The following NETO2 variants were observed in gnomAD, a reference collection of about 807,000 sequenced individuals.
NETO2 encodes the protein neuropilin and tolloid like 2.
Under a neutral mutation model 62.5 loss-of-function variants are expected in NETO2, and 28 were observed. That is an observed-to-expected ratio of 0.45 (90% CI 0.33 to 0.61). NETO2 has a LOEUF of 0.61. NETO2 is among the 20% of genes least tolerant of loss of function. The probability of loss-of-function intolerance (pLI) is 0.02; values close to 1 mark genes in which losing one functional copy is unlikely to be tolerated. For missense variants in NETO2, 548 were observed against 643.2 expected, an observed-to-expected ratio of 0.85 and a Z score of 1.60; for synonymous variants, 214 against 219.1, an observed-to-expected ratio of 0.98 and a Z score of 0.21.
At position 47,080,040 on chromosome 16, in the gene NETO2, G is replaced by C. The variant is rs577182530; in HGVS notation, c.*3181C>G. 4.6e-5 allele frequency: 7 copies of C among 152,286 alleles called. No homozygotes were observed. Among genetic ancestry groups the C allele is most frequent in the African/African-American group, 1.7e-4 (7 of 41,568 alleles). The allele number at this position is 152,286 out of a possible 1,614,324, so 9.4% of individuals were successfully genotyped here. ...TAACAATTCTATGAAACATGACAAA[G>C]ACACTGACATAAGCGCTGTCGGGTT... On this transcript the variant is annotated 3_prime_UTR_variant, in exon 9 of 9. Coordinates refer to ENST00000562435, the MANE Select transcript of NETO2 (RefSeq NM_018092.5).
intron 6 of NETO2, among the ~76,000 whole-genome samples, chr16:47,110,933 C>T (rs547025992): frequency 6.6e-6 from 1 of 152,216 alleles, no homozygotes; most frequent in East Asian, 1.9e-4. Flanking sequence ...TCACCACTTC[C>T]GTGAGAATGG....
At chr16:47,139,236 G>A (rs576093723) in intron 1 of NETO2, among the ~76,000 whole-genome samples, 91 of 152,204 alleles carry the variant, frequency 6.0e-4, no homozygotes, top group Middle Eastern at 3.4e-3. Flanking sequence ...CTTTGTAACC[G>A]CAAACACATA....
At chr16:47,105,100 C>T (rs1294025396) in intron 7 of NETO2, among the ~76,000 whole-genome samples, 1 of 151,340 alleles carries the variant, frequency 6.6e-6, no homozygotes, top group East Asian at 1.9e-4. Flanking sequence ...GTCTTGAACT[C>T]CTGCCTAGGC....
chr16:47,109,969 G>C (rs1963758063), intron 6 of NETO2, among the ~76,000 whole-genome samples: 1 of 151,984 alleles, frequency 6.6e-6, no homozygotes, highest in Admixed American at 6.6e-5. Context: ...TGCTCACAAG[G>C]CATAACTATC....
intron 6 of NETO2, among the ~76,000 whole-genome samples, chr16:47,121,151 C>T (rs756743864): frequency 1.3e-5 from 2 of 152,046 alleles, no homozygotes; most frequent in East Asian, 1.9e-4. Flanking sequence ...TAAAAATGGA[C>T]GTGGTCATTT....
At chr16:47,085,081 T>G (rs949134153) in intron 8 of NETO2, among the ~76,000 whole-genome samples, 2 of 152,166 alleles carry the variant, frequency 1.3e-5, no homozygotes, top group African/African-American at 4.8e-5. Flanking sequence ...TCTTACACAG[T>G]GATCTGACAA....
At chr16:47,087,439 A>G (rs1026076206) in intron 7 of NETO2, among the ~76,000 whole-genome samples, 32 of 152,322 alleles carry the variant, frequency 2.1e-4, no homozygotes, top group Non-Finnish European at 8.8e-5. Context: ...CCAGGGTCCA[A>G]AAAGAGGAAG....
At chr16:47,108,035 C>A (rs1320528031) in intron 7 of NETO2, among the ~76,000 whole-genome samples, 1 of 152,070 alleles carries the variant, frequency 6.6e-6, no homozygotes, top group East Asian at 1.9e-4. Context: ...CTCGGCCTCC[C>A]AAAGTGCTGG....
At chr16:47,104,112 C>A (rs562555824) in intron 7 of NETO2, among the ~76,000 whole-genome samples, 4 of 152,210 alleles carry the variant, frequency 2.6e-5, no homozygotes, top group Non-Finnish European at 5.9e-5. Context: ...ATCTTATATG[C>A]AGAAAACCCT....
At position 47,083,177 on chromosome 16, in the gene NETO2, C is replaced by A; in HGVS notation, c.*44G>T. On this transcript the variant is annotated 3_prime_UTR_variant, in exon 9 of 9. Coordinates refer to ENST00000562435, the MANE Select transcript of NETO2 (RefSeq NM_018092.5). ...AAACAGTATGGTGCCCTGGAGGCTG[C>A]GTACGTACACACCCTAAGAATTCAC... The A allele has an allele frequency of 6.6e-7, 1 of 1,513,776 alleles. No homozygotes were observed. The highest frequency in any genetic ancestry group is 9.0e-7 in the Non-Finnish European group (1 of 1,112,360). The allele number at this position is 1,513,776 out of a possible 1,614,324, so 93.8% of individuals were successfully genotyped here. A position where few individuals can be genotyped will look rare whatever the true frequency, so the allele number is the denominator to read the frequency against.
chr16:47,109,785 AGAC>A (rs1479947942), intron 6 of NETO2, 74 bp from the exon 7 acceptor site: 5 of 1,086,816 alleles, frequency 4.6e-6, no homozygotes, highest in Non-Finnish European at 6.8e-6. Context: ...TATTTTCCAC[AGAC>A]AACATGGGAC....
intron 6 of NETO2, among the ~76,000 whole-genome samples, chr16:47,120,835 A>G (rs1056487521): frequency 4.0e-5 from 6 of 151,086 alleles, no homozygotes; most frequent in Admixed American, 1.3e-4. Flanking sequence ...TGTCACTTAA[A>G]TTTTTTTTTC....
At chr16:47,086,117 C>T in intron 8 of NETO2, 109 bp downstream of exon 8, 1 of 748,114 alleles carries the variant, frequency 1.3e-6, no homozygotes, top group South Asian at 1.5e-5. Context: ...AACAAACAAA[C>T]AAAAAGCAGC....
At chr16:47,131,483 T>C (rs1039253557) in intron 2 of NETO2, among the ~76,000 whole-genome samples, 12 of 152,108 alleles carry the variant, frequency 7.9e-5, no homozygotes, top group African/African-American at 2.9e-4. Context: ...ATGTATTACT[T>C]AGATGAAAAT....
At position 47,109,656 on chromosome 16, in the gene NETO2, T is replaced by C; in HGVS notation, c.710A>G (p.Asn237Ser). The change falls in exon 7 of 9, where the codon AAC (asparagine) becomes AGC (serine). Residue 237 changes from asparagine to serine, a missense_variant. Transcript: ENST00000562435. ...GCTTCCATCATAGACTGCAACGAAG[T>C]TTCTCTTGCATTCATTTGAGTGCTC... Reference protein sequence around the residue: ...QMEHSNECKRNFVAVYDGSSS... With the variant: ...QMEHSNECKRSFVAVYDGSSS... 6.2e-7 allele frequency: 1 copy of C among 1,614,122 alleles called. No individual in the cohort carries two copies. Among genetic ancestry groups the C allele is most frequent in the Non-Finnish European group, 8.5e-7 (1 of 1,179,990 alleles).
chr16:47,122,963 T>C (rs1301741306), intron 4 of NETO2, 51 bp from the exon 5 acceptor site: 2 of 1,537,166 alleles, frequency 1.3e-6, no homozygotes, highest in African/African-American at 1.4e-5. Flanking sequence ...GTTACTTTAA[T>C]CCTCGATGTC....
intron 7 of NETO2, among the ~76,000 whole-genome samples, chr16:47,087,542 T>C (rs907750664): frequency 1.3e-5 from 2 of 152,118 alleles, no homozygotes; most frequent in Non-Finnish European, 1.5e-5. Flanking sequence ...TGCACAATAA[T>C]GTGAATGTAC....
intron 6 of NETO2, among the ~76,000 whole-genome samples, chr16:47,111,296 ACT>A (rs1471654561): frequency 1.5e-4 from 23 of 152,078 alleles, no homozygotes; most frequent in Non-Finnish European, 3.1e-4. Flanking sequence ...ATTTATATTT[ACT>A]CTCTGCTTTT....
chr16:47,142,096 C>T (rs1284812299), intron 1 of NETO2, among the ~76,000 whole-genome samples: 1 of 152,184 alleles, frequency 6.6e-6, no homozygotes, highest in Non-Finnish European at 1.5e-5. Context: ...GCAGAAAATT[C>T]AGATAAGCAA....
Sources: allele counts gnomAD v4.1 joint callset (sites outside exome capture counted in the v4.1 genomes callset), GRCh38; gene constraint gnomAD v4.1.1; transcripts MANE v1.5; gene names NCBI Gene and HGNC (gene_info 2026-07-23, HGNC 2026-07-21).